The following GYPE variants were observed in gnomAD, a reference collection of about 807,000 sequenced individuals.
The protein encoded by GYPE is glycophorin-E.
GYPE carries 8 observed loss-of-function variants against 11.6 expected under a neutral mutation model. The ratio of observed to expected loss-of-function variants is 0.69; its 90% CI spans 0.41 to 1.25. The LOEUF is 1.25. Among genes scored for constraint, GYPE ranks in the 50% most tolerant of loss-of-function variants. The pLI, the probability that GYPE is intolerant of heterozygous loss-of-function variation, is 0.01. For synonymous variants in GYPE, 28 were observed against 29.6 expected (o/e 0.94, Z 0.18); for missense variants, 90 against 92.8 (o/e 0.97, Z 0.12).
intron 3 of GYPE, chr4:143,875,402 G>T: frequency 6.9e-7 from 1 of 1,455,026 alleles, no homozygotes; most frequent in Non-Finnish European, 9.4e-7. Context: ...CAAGGGTTGG[G>T]GCATAAGCAA....
chr4:143,892,707 G>T (rs1395525418), intron 1 of GYPE, among the ~76,000 whole-genome samples: 70 of 150,400 alleles, frequency 4.7e-4, no homozygotes, highest in African/African-American at 1.4e-3. Context: ...TTTTACATTT[G>T]CTGAGGAGAG....
intron 1 of GYPE, among the ~76,000 whole-genome samples, chr4:143,902,657 T>C (rs1420199195): frequency 6.6e-6 from 1 of 151,690 alleles, no homozygotes; most frequent in Non-Finnish European, 1.5e-5. Context: ...CTCCCTCCCT[T>C]CACCTCCTTC....
chr4:143,875,564 G>C (rs1033517178), intron 3 of GYPE: 1 of 1,550,138 alleles, frequency 6.5e-7, no homozygotes, highest in Non-Finnish European at 8.7e-7. Context: ...CATGAGCTAC[G>C]CCTCCACTTC....
At chr4:143,880,536 G>T in intron 1 of GYPE, 27 bp from the exon 2 acceptor site, 1 of 1,613,554 alleles carries the variant, frequency 6.2e-7, no homozygotes, top group Non-Finnish European at 8.5e-7. Context: ...TTGAGAAAGG[G>T]ATTAAGAACG....
At chr4:143,898,195 T>A (rs567977751) in intron 1 of GYPE, among the ~76,000 whole-genome samples, 1 of 151,866 alleles carries the variant, frequency 6.6e-6, no homozygotes, top group South Asian at 2.1e-4. Flanking sequence ...TGGGCAACAC[T>A]GTGAAACCCC....
Position 143,872,134 on chromosome 4 carries a change from A to C in GYPE, c.*128T>G, listed in dbSNP as rs1743639802. 6.6e-6 allele frequency: 1 copy of C among 152,558 alleles called. No individual in the cohort carries two copies. Among genetic ancestry groups the C allele is most frequent in the Non-Finnish European group, 1.5e-5 (1 of 68,034 alleles). The allele number at this position is 152,558 out of a possible 1,614,324, so 9.5% of individuals were successfully genotyped here. A position where few individuals can be genotyped will look rare whatever the true frequency, so the allele number is the denominator to read the frequency against. On this transcript the variant is annotated 3_prime_UTR_variant, in exon 4 of 4. Coordinates refer to ENST00000358615, the MANE Select transcript of GYPE (RefSeq NM_198682.3). ...CCTAGAGTCCCTTAGTAGCCAGTCA[A>C]CGTAAGCCAAGTTAGTAGCTACAGC...
intron 1 of GYPE, among the ~76,000 whole-genome samples, chr4:143,901,252 A>G (rs1330608941): frequency 3.3e-5 from 5 of 152,194 alleles, no homozygotes; most frequent in Non-Finnish European, 7.4e-5. Flanking sequence ...CTTAATAAAT[A>G]TCACAAATAA....
At chr4:143,878,167 C>T (rs1214408171) in intron 2 of GYPE, among the ~76,000 whole-genome samples, 7 of 151,454 alleles carry the variant, frequency 4.6e-5, no homozygotes, top group African/African-American at 1.7e-4. Context: ...ATGGTCTTAC[C>T]AAGGCTAGAG....
intron 1 of GYPE, among the ~76,000 whole-genome samples, chr4:143,901,698 A>T (rs1041017403): frequency 2.0e-5 from 3 of 151,984 alleles, no homozygotes; most frequent in African/African-American, 4.8e-5. Context: ...TATAATCTGT[A>T]AAGATAACTT....
At chr4:143,885,474 C>T (rs1269967228) in intron 1 of GYPE, among the ~76,000 whole-genome samples, 1 of 152,062 alleles carries the variant, frequency 6.6e-6, no homozygotes, top group African/African-American at 2.4e-5. Flanking sequence ...TAAAAGAGCA[C>T]TTGGTGGAAA....
intron 3 of GYPE, chr4:143,875,172 G>C: frequency 3.9e-6 from 1 of 253,222 alleles, no homozygotes. Flanking sequence ...GAGAGTCCAG[G>C]CTGAAGTCTT....
At chr4:143,880,562 C>A in intron 1 of GYPE, 53 bp from the exon 2 acceptor site, 4 of 1,612,484 alleles carry the variant, frequency 2.5e-6, no homozygotes, top group Non-Finnish European at 3.4e-6. Flanking sequence ...ACTGAGCGGA[C>A]CATAAAGCAT....
intron 3 of GYPE, among the ~76,000 whole-genome samples, chr4:143,873,636 C>T (rs180832869): frequency 3.1e-4 from 47 of 152,204 alleles, no homozygotes; most frequent in African/African-American, 1.1e-3. Flanking sequence ...TTAATATGCT[C>T]CATTGAGTGA....
At chr4:143,891,436 C>T (rs1744401780) in intron 1 of GYPE, among the ~76,000 whole-genome samples, 1 of 149,444 alleles carries the variant, frequency 6.7e-6, no homozygotes, top group Non-Finnish European at 1.5e-5. Context: ...TCACTCCATT[C>T]TCCTGCCTCA....
At chr4:143,890,477 T>C (rs1476798569) in intron 1 of GYPE, among the ~76,000 whole-genome samples, 2 of 152,156 alleles carry the variant, frequency 1.3e-5, no homozygotes, top group Non-Finnish European at 2.9e-5. Flanking sequence ...ACACCACTGG[T>C]ACTTCCTTTC....
intron 1 of GYPE, among the ~76,000 whole-genome samples, chr4:143,897,914 G>T (rs991842360): frequency 6.6e-6 from 1 of 152,120 alleles, no homozygotes; most frequent in African/African-American, 2.4e-5. Context: ...CACATGAAAG[G>T]ATAAGTGCAA....
At chr4:143,895,788 G>A (rs1467812453) in intron 1 of GYPE, among the ~76,000 whole-genome samples, 2 of 151,794 alleles carry the variant, frequency 1.3e-5, no homozygotes, top group Non-Finnish European at 2.9e-5. Context: ...AAAACAGCAT[G>A]GTACTGGTAC....
chr4:143,891,635 A>T (rs1744410842), intron 1 of GYPE, among the ~76,000 whole-genome samples: 1 of 151,860 alleles, frequency 6.6e-6, no homozygotes, highest in South Asian at 2.1e-4. Flanking sequence ...GCCTATTTTG[A>T]TTTTTTTAAG....
chr4:143,903,336 G>A lies in GYPE; in HGVS notation c.37+2135C>T, dbSNP rs529065295. ...CTTCCTGCCCTGGGCTCAGTGTCTGGTTCACAATCTGACATGTAATGACTG... is the reference window on the plus strand; with the variant it reads ...CTTCCTGCCCTGGGCTCAGTGTCTGATTCACAATCTGACATGTAATGACTG... On this transcript the variant is annotated intron_variant, in intron 1 of 3. Coordinates refer to ENST00000358615, the MANE Select transcript of GYPE (RefSeq NM_198682.3). Among the ~76,000 whole-genome samples the A allele has an allele frequency of 3.1e-4, 47 of 151,544 alleles. 1 individual carries two copies. Among genetic ancestry groups the A allele is most frequent in the African/African-American group, 1.1e-3 (45 of 41,188 alleles).
Sources: gnomAD v4.1 joint callset for allele counts (sites outside exome capture counted in the v4.1 genomes callset) on GRCh38, gnomAD v4.1.1 for gene constraint, MANE v1.5 for transcripts, NCBI Gene and HGNC (gene_info 2026-07-23, HGNC 2026-07-21) for gene names.